GRID1: variants seen among roughly 807,000 people sequenced by gnomAD.
GRID1 encodes the protein glutamate receptor ionotropic, delta-1.
A neutral mutation model predicts 98.0 loss-of-function variants in GRID1; 28 were observed. The observed-to-expected ratio is 0.29, with a 90% CI of 0.21 to 0.39. The LOEUF (loss-of-function observed/expected upper bound fraction) is 0.39, where lower values mean the gene tolerates loss of function less well. Ranked by LOEUF, GRID1 falls within the 10% of genes least tolerant of loss-of-function variation. The probability of loss-of-function intolerance (pLI) is 1.00; values close to 1 mark genes in which losing one functional copy is unlikely to be tolerated. For synonymous variants in GRID1, 553 were observed against 538.5 expected (o/e 1.03, Z -0.37); for missense variants, 1,111 against 1,340.5 (o/e 0.83, Z 2.67).
chr10:86,042,900 A>G (rs1843366684), intron 4 of GRID1, among the ~76,000 whole-genome samples: 1 of 152,152 alleles, frequency 6.6e-6, no homozygotes, highest in Admixed American at 6.5e-5. Context: ...AGCCAGGGCA[A>G]CATAGTAAGA....
At chr10:85,940,419 C>A (rs58953284) in intron 4 of GRID1, among the ~76,000 whole-genome samples, 2,954 of 152,204 alleles carry the variant, frequency 0.019, 116 homozygotes, top group African/African-American at 0.067. Flanking sequence ...CATATGCAGA[C>A]CCCCAGAGCT....
intron 2 of GRID1, among the ~76,000 whole-genome samples, chr10:86,338,565 C>T (rs573858024): frequency 2.0e-4 from 30 of 152,188 alleles, no homozygotes; most frequent in Non-Finnish European, 3.2e-4. Flanking sequence ...ACAGTAACAG[C>T]CCCCCAGGGG....
intron 6 of GRID1, among the ~76,000 whole-genome samples, chr10:85,864,733 C>G (rs1843198749): frequency 6.6e-6 from 1 of 152,126 alleles, no homozygotes; most frequent in South Asian, 2.1e-4. Flanking sequence ...TTGAAATCCT[C>G]TAATAGAGTG....
chr10:85,887,643 G>C (rs574283780), intron 5 of GRID1, among the ~76,000 whole-genome samples: 1 of 152,288 alleles, frequency 6.6e-6, no homozygotes, highest in African/African-American at 2.4e-5. Flanking sequence ...TGAGCGTAGG[G>C]TCTGAAATCA....
At chr10:86,330,227 C>CA (rs1313980922) in intron 2 of GRID1, among the ~76,000 whole-genome samples, 2 of 152,150 alleles carry the variant, frequency 1.3e-5, no homozygotes, top group African/African-American at 4.8e-5. Flanking sequence ...GGGTGGTTCA[C>CA]ACCCTTCCCT....
intron 2 of GRID1, among the ~76,000 whole-genome samples, chr10:86,336,270 T>C (rs1314826544): frequency 6.6e-6 from 1 of 152,194 alleles, no homozygotes; most frequent in Non-Finnish European, 1.5e-5. Context: ...GGGTGCACAA[T>C]GGCAGAGGCA....
chr10:85,808,480 T>C (rs1453655597), intron 8 of GRID1, among the ~76,000 whole-genome samples: 3 of 152,164 alleles, frequency 2.0e-5, no homozygotes, highest in South Asian at 2.1e-4. Flanking sequence ...ACTGACCAAC[T>C]AGGAAAATGG....
At chr10:86,227,645 C>T (rs557204352) in intron 2 of GRID1, among the ~76,000 whole-genome samples, 3 of 148,030 alleles carry the variant, frequency 2.0e-5, no homozygotes, top group Non-Finnish European at 4.4e-5. Flanking sequence ...CTTCCTCACA[C>T]GTCTGAGCCC....
intron 8 of GRID1, among the ~76,000 whole-genome samples, chr10:85,809,155 C>A (rs948029954): frequency 6.6e-6 from 1 of 151,656 alleles, no homozygotes; most frequent in Non-Finnish European, 1.5e-5. Flanking sequence ...GACTCGTTAA[C>A]CTATAAATAT....
At chr10:85,760,711 A>G (rs983907060) in intron 8 of GRID1, among the ~76,000 whole-genome samples, 5 of 152,166 alleles carry the variant, frequency 3.3e-5, no homozygotes, top group African/African-American at 7.2e-5. Flanking sequence ...CTCAAGCACA[A>G]TTTCCTCAAT....
chr10:85,914,617 T>C (rs1472883289), intron 5 of GRID1, among the ~76,000 whole-genome samples: 1 of 152,144 alleles, frequency 6.6e-6, no homozygotes, highest in South Asian at 2.1e-4. Flanking sequence ...TGTGAATTCA[T>C]GGAGGAAAAT....
At chr10:85,755,680 G>A (rs559361544) in intron 8 of GRID1, among the ~76,000 whole-genome samples, 2 of 152,280 alleles carry the variant, frequency 1.3e-5, no homozygotes, top group Admixed American at 6.5e-5. Context: ...CCCTTGAAGT[G>A]GCACTTCCGC....
intron 2 of GRID1, among the ~76,000 whole-genome samples, chr10:86,361,160 AG>A (rs1357439240): frequency 6.6e-6 from 1 of 152,216 alleles, no homozygotes; most frequent in Admixed American, 6.5e-5. Flanking sequence ...AGTACATCCA[AG>A]GAAGGACATC....
At chr10:86,307,820 T>C (rs1397346233) in intron 2 of GRID1, among the ~76,000 whole-genome samples, 1 of 152,204 alleles carries the variant, frequency 6.6e-6, no homozygotes, top group African/African-American at 2.4e-5. Flanking sequence ...GTCCATTATA[T>C]CTAATAAAGC....
At chr10:85,890,170 T>C (rs1359014986) in intron 5 of GRID1, among the ~76,000 whole-genome samples, 1 of 152,068 alleles carries the variant, frequency 6.6e-6, no homozygotes, top group Non-Finnish European at 1.5e-5. Context: ...TGGTTTTGAT[T>C]TGCAATTCTC....
chr10:86,274,440 C>G (rs1268024955), intron 2 of GRID1, among the ~76,000 whole-genome samples: 3 of 152,190 alleles, frequency 2.0e-5, no homozygotes, highest in Admixed American at 1.3e-4. Flanking sequence ...TTTTCCAATA[C>G]TGTGAAGAAA....
chr10:86,125,046 A>G (rs775385016), intron 4 of GRID1, among the ~76,000 whole-genome samples: 9 of 152,202 alleles, frequency 5.9e-5, no homozygotes, highest in Non-Finnish European at 1.0e-4. Context: ...TGGTTTTAGA[A>G]AAACATGAAA....
chr10:85,767,962 C>T (rs1842213725), intron 8 of GRID1, among the ~76,000 whole-genome samples: 1 of 152,120 alleles, frequency 6.6e-6, no homozygotes, highest in Non-Finnish European at 1.5e-5. Context: ...ATCCTGTTGA[C>T]AAGGGATGCA....
At chr10:85,789,182 C>T (rs1189607267) in intron 8 of GRID1, among the ~76,000 whole-genome samples, 1 of 152,086 alleles carries the variant, frequency 6.6e-6, no homozygotes, top group African/African-American at 2.4e-5. Flanking sequence ...TTCAGGTCAT[C>T]TACATGTCTA....
Sources: allele counts gnomAD v4.1 joint callset (sites outside exome capture counted in the v4.1 genomes callset), GRCh38; gene constraint gnomAD v4.1.1; transcripts MANE v1.5; gene names NCBI Gene and HGNC (gene_info 2026-07-23, HGNC 2026-07-21).